Variants in KIRREL3 observed in about 807,000 individuals in gnomAD.
KIRREL3 encodes the protein kin of IRRE-like protein 3.
Under a neutral mutation model 89.7 loss-of-function variants are expected in KIRREL3, and 36 were observed. The ratio of observed to expected loss-of-function variants is 0.40; its 90% confidence interval spans 0.31 to 0.53. The LOEUF (loss-of-function observed/expected upper bound fraction) is 0.53. Ranked by LOEUF, KIRREL3 falls within the 20% of genes least tolerant of loss-of-function variation. KIRREL3 has a pLI of 0.49. For missense variants in KIRREL3, 864 were observed against 1,056.6 expected (o/e 0.82, Z 2.53); for synonymous variants, 445 against 441.4 (o/e 1.01, Z -0.10).
In KIRREL3 at chr11:126,515,003, C is replaced by T. The variant is rs545089205; in HGVS notation, c.433+6312G>A. ...ATTGCCATGAGGAACATTTACTGAA[C>T]ACCCAGTATGTGATTCTAGGCTGTG... On this transcript the variant is annotated intron_variant, in intron 4 of 16. Transcript: ENST00000525144. This position sits in a 1 kb window ranked among gnomAD's most constrained non-coding sequence, Gnocchi z 4.2. Among the ~76,000 whole-genome samples the T allele has an allele frequency of 9.3e-4, 142 of 152,302 alleles. No homozygotes were observed. Among genetic ancestry groups the T allele is most frequent in the African/African-American group, 3.4e-3 (140 of 41,562 alleles).
chr11:126,974,967 G>T (rs1400084829), intron 1 of KIRREL3, among the ~76,000 whole-genome samples: 1 of 152,132 alleles, frequency 6.6e-6, no homozygotes, highest in East Asian at 1.9e-4. Context: ...AGGCTGGAGT[G>T]CAGTGGCTAA....
In KIRREL3 at chr11:126,883,904, G is replaced by A. The variant is rs1170433385; in HGVS notation, c.55+116551C>T. 6.6e-6 allele frequency among the ~76,000 whole-genome samples: 1 copy of A among 152,182 alleles called. No homozygotes were observed. The highest frequency in any genetic ancestry group is 2.4e-5 in the African/African-American group (1 of 41,448). On this transcript the variant is annotated intron_variant, in intron 1 of 16. Transcript: ENST00000525144. The surrounding 1 kb of genome is among the most constrained non-coding windows in gnomAD (Gnocchi z 4.1). ...GACATAGGTTTTGAATCGATACAAA[G>A]AACTTTCTGATCACTGGAGCAGTTC...
intron 10 of KIRREL3, among the ~76,000 whole-genome samples, chr11:126,442,783 C>G (rs571301297): frequency 6.6e-6 from 1 of 152,370 alleles, no homozygotes; most frequent in Non-Finnish European, 1.5e-5. Context: ...CCACTGAACT[C>G]ATCCACCTGC....
At chr11:126,746,110 TTGG>T (rs1470289375) in intron 1 of KIRREL3, among the ~76,000 whole-genome samples, 1 of 152,214 alleles carries the variant, frequency 6.6e-6, no homozygotes, top group Non-Finnish European at 1.5e-5. Context: ...CCTTTAAATG[TTGG>T]TGGTCCCTGA....
At chr11:126,746,633 C>T (rs888259702) in intron 1 of KIRREL3, among the ~76,000 whole-genome samples, 1 of 152,106 alleles carries the variant, frequency 6.6e-6, no homozygotes, top group East Asian at 1.9e-4. Flanking sequence ...TCTGGTCCCC[C>T]CTCTCCCTCC....
At chr11:126,426,431 G>C (rs1436245173) in intron 15 of KIRREL3, among the ~76,000 whole-genome samples, 1 of 152,188 alleles carries the variant, frequency 6.6e-6, no homozygotes, top group Non-Finnish European at 1.5e-5. Flanking sequence ...GCCTGCTTTT[G>C]GGATGGAATC....
At chr11:126,842,890 G>C (rs1944011898) in intron 1 of KIRREL3, among the ~76,000 whole-genome samples, 1 of 152,300 alleles carries the variant, frequency 6.6e-6, no homozygotes, top group Admixed American at 6.5e-5. Flanking sequence ...GTCAGACTGA[G>C]AGCTGGCCTC....
rs1940925789 is a variant in KIRREL3 at position 126,571,466 on chromosome 11, C to T, written c.56-8554G>A. On this transcript the variant is annotated intron_variant, in intron 1 of 16. Coordinates refer to ENST00000525144, the MANE Select transcript of KIRREL3 (RefSeq NM_032531.4). This position sits in a 1 kb window ranked among gnomAD's most constrained non-coding sequence, Gnocchi z 7.7. ...CTTGGCCAGCATCACCAAGTGTCTG[C>T]CACCTGGGACCAGGCTCATGTAGTT... Among the ~76,000 whole-genome samples, 1 of 152,228 alleles carries T rather than the reference C, an allele frequency of 6.6e-6. No homozygotes were observed. The highest frequency in any genetic ancestry group is 2.4e-5 in the African/African-American group (1 of 41,464).
At chr11:126,503,075 T>TC (rs1250733837) in intron 4 of KIRREL3, among the ~76,000 whole-genome samples, 9 of 152,336 alleles carry the variant, frequency 5.9e-5, no homozygotes, top group Admixed American at 5.9e-4. Context: ...TGATTATTTT[T>TC]CCTCCCTCGT....
In KIRREL3 at chr11:126,750,344, T is replaced by C. The variant is rs981422974; in HGVS notation, c.56-187432A>G. ...ATGAGGATGTTCTCAACTATGGCAC[T>C]CTGGTTGTAAATATGTTTGATGCTC... On this transcript the variant is annotated intron_variant, in intron 1 of 16. Coordinates refer to ENST00000525144, the MANE Select transcript of KIRREL3 (RefSeq NM_032531.4). This position sits in a 1 kb window ranked among gnomAD's most constrained non-coding sequence, Gnocchi z 4.2. Among the ~76,000 whole-genome samples the C allele has an allele frequency of 6.6e-6, 1 of 152,208 alleles. No homozygotes were observed. The highest frequency in any genetic ancestry group is 1.5e-5 in the Non-Finnish European group (1 of 68,036).
chr11:126,488,591 T>C (rs1957427138), intron 4 of KIRREL3, among the ~76,000 whole-genome samples: 2 of 152,146 alleles, frequency 1.3e-5, no homozygotes, highest in South Asian at 4.1e-4. Context: ...CCAAATGCAT[T>C]TGTGCAGTGG....
In KIRREL3 at chr11:126,754,572, C is replaced by T. The variant is rs949536568; in HGVS notation, c.56-191660G>A. On this transcript the variant is annotated intron_variant, in intron 1 of 16. Coordinates refer to ENST00000525144, the MANE Select transcript of KIRREL3 (RefSeq NM_032531.4). The surrounding 1 kb of genome is among the most constrained non-coding windows in gnomAD (Gnocchi z 5.1). Reference sequence around the variant, plus strand: ...AGATACCGCTGAAGGGGATCGTCTGCGAAGAAAGAATAGAGATACGAGATA... The same window carrying T: ...AGATACCGCTGAAGGGGATCGTCTGTGAAGAAAGAATAGAGATACGAGATA... Among the ~76,000 whole-genome samples the T allele has an allele frequency of 2.0e-5, 3 of 151,890 alleles. No individual in the cohort carries two copies. Among genetic ancestry groups the T allele is most frequent in the Non-Finnish European group, 4.4e-5 (3 of 67,978 alleles).
rs766753881 is a variant in KIRREL3 at position 126,686,934 on chromosome 11, G to A, written c.56-124022C>T. The stretch of plus-strand genomic sequence containing the variant: ...GTTATCCAGATGATAAGAGGGGAAG[G>A]AAGGTCACATTGAGAAGAGTCAAAT... On this transcript the variant is annotated intron_variant, in intron 1 of 16. Coordinates refer to ENST00000525144, the MANE Select transcript of KIRREL3 (RefSeq NM_032531.4). The surrounding 1 kb of genome is among the most constrained non-coding windows in gnomAD (Gnocchi z 4.7). Among the ~76,000 whole-genome samples, 5 of 152,196 alleles carry A rather than the reference G, an allele frequency of 3.3e-5. No individual in the cohort carries two copies. The highest frequency in any genetic ancestry group is 7.4e-5 in the Non-Finnish European group (5 of 68,024).
rs1038210671 is a variant in KIRREL3, at chr11:126,876,111, G to A, written c.55+124344C>T. 2.0e-5 allele frequency among the ~76,000 whole-genome samples: 3 copies of A among 152,160 alleles called. No individual in the cohort carries two copies. The highest frequency in any genetic ancestry group is 6.5e-5 in the Admixed American group (1 of 15,280). On this transcript the variant is annotated intron_variant, in intron 1 of 16. Coordinates refer to ENST00000525144, the MANE Select transcript of KIRREL3 (RefSeq NM_032531.4). This position sits in a 1 kb window ranked among gnomAD's most constrained non-coding sequence, Gnocchi z 4.1. ...GAAATAATGACTTCAAAGGGCAGCC[G>A]TCTTCTACTAGCTCTTCAGAACTTT...
intron 1 of KIRREL3, among the ~76,000 whole-genome samples, chr11:126,961,057 T>C (rs2135181248): frequency 6.6e-6 from 1 of 152,302 alleles, no homozygotes; most frequent in Admixed American, 6.5e-5. Context: ...TGGTGTGTGT[T>C]CTGACTGCTC....
At chr11:126,945,340 G>T (rs1005986420) in intron 1 of KIRREL3, among the ~76,000 whole-genome samples, 1 of 152,114 alleles carries the variant, frequency 6.6e-6, no homozygotes, top group Non-Finnish European at 1.5e-5. Context: ...GCTGTGGGGG[G>T]CAGAGGTGGG....
At chr11:126,559,900 C>A (rs1332765617) in intron 2 of KIRREL3, among the ~76,000 whole-genome samples, 3 of 152,032 alleles carry the variant, frequency 2.0e-5, no homozygotes, top group Non-Finnish European at 4.4e-5. Context: ...CCAGGCTGGT[C>A]TTGAACTCCT....
chr11:126,482,581 A>G (rs548433434), intron 4 of KIRREL3, among the ~76,000 whole-genome samples: 6 of 152,354 alleles, frequency 3.9e-5, no homozygotes, highest in Admixed American at 2.6e-4. Context: ...GTGGCATGTT[A>G]TTGGTTCTCT....
chr11:126,518,140 C>A (rs552187680), intron 4 of KIRREL3, among the ~76,000 whole-genome samples: 4 of 152,328 alleles, frequency 2.6e-5, no homozygotes, highest in South Asian at 2.1e-4. Context: ...TCCCGAGGTA[C>A]AAATGCTCAG....
Sources: allele counts gnomAD v4.1 joint callset (sites outside exome capture counted in the v4.1 genomes callset), GRCh38; gene constraint gnomAD v4.1.1; non-coding constraint Gnocchi (gnomAD v3.1); transcripts MANE v1.5; gene names NCBI Gene and HGNC (gene_info 2026-07-23, HGNC 2026-07-21).